The following ABCB1 variants were observed in gnomAD, a reference collection of about 807,000 sequenced individuals.
ABCB1 encodes the protein ATP-dependent translocase ABCB1.
ABCB1 carries 69 observed loss-of-function variants against 142.0 expected under a neutral mutation model. That is an observed-to-expected ratio of 0.49 (90% CI 0.40 to 0.59). ABCB1 has a LOEUF of 0.59. Among genes scored for constraint, ABCB1 ranks in the 20% least tolerant of loss-of-function variants. ABCB1 has a pLI of 0.00. For missense variants in ABCB1, 1,326 were observed against 1,554.7 expected, an observed-to-expected ratio of 0.85 and a Z score of 2.47; for synonymous variants, 532 against 539.2, an observed-to-expected ratio of 0.99 and a Z score of 0.18.
At chr7:87,617,433 A>G (rs767333454) in intron 1 of ABCB1, among the ~76,000 whole-genome samples, 13 of 152,230 alleles carry the variant, frequency 8.5e-5, no homozygotes, top group Non-Finnish European at 1.0e-4. Flanking sequence ...ACATTTAACA[A>G]TGACAACATG....
intron 4 of ABCB1, among the ~76,000 whole-genome samples, chr7:87,576,986 T>C (rs1818297277): frequency 6.6e-6 from 1 of 152,156 alleles, no homozygotes; most frequent in African/African-American, 2.4e-5. Flanking sequence ...CCCTGTTGTG[T>C]GATCAAATAC....
rs201280497 is a variant in ABCB1, at chr7:87,566,794, C to A, written c.521G>T (p.Arg174Leu). 3.1e-6 allele frequency: 5 copies of A among 1,613,924 alleles called. No individual in the cohort carries two copies. The highest frequency in any genetic ancestry group is 4.2e-6 in the Non-Finnish European group (5 of 1,179,968). Residue 174 changes from arginine (R) to leucine (L), a missense_variant, in exon 6 of 28, where the codon CGA (arginine) becomes CTA (leucine). Coordinates refer to ENST00000622132, the MANE Select transcript of ABCB1 (RefSeq NM_001348946.2). ...AAAACTAAATACTTACTCTGTAAGT[C>A]GGGTGTTAAGCTCCCCAACATCGTG... Reference protein sequence around the residue: ...DVHDVGELNTRLTDDVSKINE... With the variant: ...DVHDVGELNTLLTDDVSKINE...
intron 14 of ABCB1, 98 bp from the exon 15 acceptor site, chr7:87,546,122 G>A: frequency 8.2e-7 from 1 of 1,221,058 alleles, no homozygotes; most frequent in Non-Finnish European, 1.2e-6. Flanking sequence ...TGTGGGCATT[G>A]TAAAACCATC....
At chr7:87,510,214 T>C (rs1814947109) in intron 25 of ABCB1, among the ~76,000 whole-genome samples, 1 of 152,228 alleles carries the variant, frequency 6.6e-6, no homozygotes, top group Non-Finnish European at 1.5e-5. Flanking sequence ...GCCTTATTCT[T>C]AAATCTCCAT....
chr7:87,591,659 G>T (rs1258390694), intron 3 of ABCB1, among the ~76,000 whole-genome samples: 1 of 152,152 alleles, frequency 6.6e-6, no homozygotes, highest in East Asian at 1.9e-4. Flanking sequence ...AGGAACATAA[G>T]GTGAATGAAG....
intron 1 of ABCB1, among the ~76,000 whole-genome samples, chr7:87,663,209 T>G (rs916169083): frequency 1.3e-5 from 2 of 152,290 alleles, no homozygotes; most frequent in Admixed American, 6.5e-5. Context: ...GACTTTTTCC[T>G]TTTTAGTTGG....
intron 1 of ABCB1, among the ~76,000 whole-genome samples, chr7:87,675,325 A>G (rs1161204496): frequency 6.6e-6 from 1 of 152,212 alleles, no homozygotes; most frequent in Non-Finnish European, 1.5e-5. Flanking sequence ...CAAAATTTTA[A>G]TGACATTTTT....
Position 87,584,132 on chromosome 7 carries a change from A to C in ABCB1, c.286+1380T>G, listed in dbSNP as rs76104947. Among the ~76,000 whole-genome samples the C allele has an allele frequency of 4.6e-5, 7 of 152,164 alleles. No homozygotes were observed. In the East Asian group the frequency reaches 1.4e-3, roughly 29 times the overall value. ...TTTTACATAGCTCAAACATACAAAA[A>C]TTTTTCTGGCCCAGCTCATTACCTG... On this transcript the variant is annotated intron_variant, in intron 4 of 27. Transcript: ENST00000622132.
chr7:87,688,629 T>C (rs1277083205), intron 1 of ABCB1, among the ~76,000 whole-genome samples: 1 of 151,922 alleles, frequency 6.6e-6, no homozygotes, highest in African/African-American at 2.4e-5. Context: ...TTACTGTTGG[T>C]AGTTTGTTAT....
intron 1 of ABCB1, among the ~76,000 whole-genome samples, chr7:87,708,713 A>G (rs957571524): frequency 6.6e-6 from 1 of 152,106 alleles, no homozygotes; most frequent in African/African-American, 2.4e-5. Context: ...GTGTATAGGT[A>G]TTAACATAAT....
intron 1 of ABCB1, among the ~76,000 whole-genome samples, chr7:87,637,952 A>G (rs999537993): frequency 2.0e-5 from 3 of 152,010 alleles, no homozygotes; most frequent in African/African-American, 7.2e-5. Flanking sequence ...AAACGTTCAA[A>G]ATTTTATTAT....
At chr7:87,636,455 C>T (rs190762868) in intron 1 of ABCB1, among the ~76,000 whole-genome samples, 1 of 152,206 alleles carries the variant, frequency 6.6e-6, no homozygotes, top group Non-Finnish European at 1.5e-5. Context: ...GTTCTTTGTA[C>T]ATTCTGTATG....
chr7:87,587,112 A>T (rs1319966578), intron 3 of ABCB1, among the ~76,000 whole-genome samples: 1 of 152,244 alleles, frequency 6.6e-6, no homozygotes, highest in Non-Finnish European at 1.5e-5. Context: ...AACACTGGCT[A>T]AATTTTGCAC....
intron 1 of ABCB1, among the ~76,000 whole-genome samples, chr7:87,622,136 A>T (rs772717736): frequency 5.9e-5 from 9 of 152,140 alleles, no homozygotes; most frequent in Non-Finnish European, 1.2e-4. Context: ...TTTATATAAA[A>T]TTTTTTAAAC....
rs574934795 is a variant in ABCB1, at chr7:87,579,239, C to T, written c.286+6273G>A. Among the ~76,000 whole-genome samples the T allele has an allele frequency of 4.6e-5, 7 of 152,202 alleles. No homozygotes were observed. In the East Asian group the frequency reaches 1.3e-3, roughly 29 times the overall value. The stretch of plus-strand genomic sequence containing the variant: ...TTTCTTTCTCTTGTCTGATTGCCCT[C>T]GCTAGGACTTTCAGTATTATGCTGA... On this transcript the variant is annotated intron_variant, in intron 4 of 27. Transcript: ENST00000622132.
intron 6 of ABCB1, 54 bp downstream of exon 6, chr7:87,566,731 A>G (rs1329222944): frequency 6.4e-7 from 1 of 1,551,198 alleles, no homozygotes; most frequent in Non-Finnish European, 8.9e-7. Context: ...CATCTATTTC[A>G]TTTTACTAAG....
At chr7:87,623,374 CTT>C (rs968318527) in intron 1 of ABCB1, among the ~76,000 whole-genome samples, 21 of 152,344 alleles carry the variant, frequency 1.4e-4, no homozygotes, top group African/African-American at 4.8e-4. Context: ...ACCAAATCCA[CTT>C]TGTTTCAATC....
intron 4 of ABCB1, among the ~76,000 whole-genome samples, chr7:87,579,416 T>G (rs1463822361): frequency 2.0e-5 from 3 of 152,190 alleles, no homozygotes; most frequent in African/African-American, 7.2e-5. Flanking sequence ...GTTTTTATCA[T>G]GAAGGGTGGT....
intron 8 of ABCB1, among the ~76,000 whole-genome samples, chr7:87,557,203 A>G (rs1021535875): frequency 1.3e-5 from 2 of 151,474 alleles, no homozygotes; most frequent in Non-Finnish European, 2.9e-5. Flanking sequence ...CATTCCTTCC[A>G]TTTTTATCCA....
Sources: gnomAD v4.1 joint callset for allele counts (sites outside exome capture counted in the v4.1 genomes callset) on GRCh38, gnomAD v4.1.1 for gene constraint, MANE v1.5 for transcripts, NCBI Gene and HGNC (gene_info 2026-07-23, HGNC 2026-07-21) for gene names.